Variants in FBXO31 observed in about 807,000 individuals in gnomAD.
The protein encoded by FBXO31 is F-box only protein 31.
FBXO31 carries 24 observed loss-of-function variants against 54.4 expected under a neutral mutation model. The ratio of observed to expected loss-of-function variants is 0.44; its 90% confidence interval spans 0.32 to 0.62. The LOEUF (loss-of-function observed/expected upper bound fraction) is 0.62. Among genes scored for constraint, FBXO31 ranks in the 20% least tolerant of loss-of-function variants. The pLI is 0.05. For synonymous variants in FBXO31, 388 were observed against 335.6 expected (o/e 1.16, Z -1.71); for missense variants, 665 against 787.1 (o/e 0.84, Z 1.86).
chr16:87,370,075 A>G (rs1906532472), intron 1 of FBXO31, among the ~76,000 whole-genome samples: 1 of 152,120 alleles, frequency 6.6e-6, no homozygotes, highest in South Asian at 2.1e-4. Flanking sequence ...TCCCTGCAGC[A>G]CAGGCCTGAA....
In FBXO31 at chr16:87,336,694, G is replaced by A. The variant is rs1425077386; in HGVS notation, c.733-430C>T. On this transcript the variant is annotated intron_variant, in intron 5 of 8. Transcript: ENST00000311635. The surrounding 1 kb of genome is among the most constrained non-coding windows in gnomAD (Gnocchi z 6.5). ...TCCTGGGAGCCTGAGTGTTCCAGAA[G>A]CCCTCACCACCAACCCTGAGCCGTG... 6.6e-6 allele frequency among the ~76,000 whole-genome samples: 1 copy of A among 152,256 alleles called. No homozygotes were observed. Among genetic ancestry groups the A allele is most frequent in the African/African-American group, 2.4e-5 (1 of 41,558 alleles).
At position 87,375,391 on chromosome 16, in the gene FBXO31, C is replaced by T. The variant is rs193082542; in HGVS notation, c.340+8014G>A. 2.7e-3 allele frequency among the ~76,000 whole-genome samples: 404 copies of T among 151,824 alleles called. 1 individual carries two copies. The highest frequency in any genetic ancestry group is 5.1e-3 in the Non-Finnish European group (345 of 67,964). ...TTTGTGATCCCAGCTACCTGGGAGGCTGAGGCAGAGAAATGCTTGAACCCG... is the reference window on the plus strand; with the variant it reads ...TTTGTGATCCCAGCTACCTGGGAGGTTGAGGCAGAGAAATGCTTGAACCCG... On this transcript the variant is annotated intron_variant, in intron 1 of 8. Coordinates refer to ENST00000311635, the MANE Select transcript of FBXO31 (RefSeq NM_024735.5).
At chr16:87,342,201 C>T (rs1018806424) in intron 5 of FBXO31, among the ~76,000 whole-genome samples, 2 of 152,124 alleles carry the variant, frequency 1.3e-5, no homozygotes, top group African/African-American at 4.8e-5. Flanking sequence ...GAGTAGCTGG[C>T]ATGCCACCAT....
chr16:87,343,891 C>G lies in FBXO31; in HGVS notation c.490-126G>C, dbSNP rs529786750. On this transcript the variant is annotated intron_variant, in intron 3 of 8. Coordinates refer to ENST00000311635, the MANE Select transcript of FBXO31 (RefSeq NM_024735.5). ...GCCAGACCAGCACATGGGACCTGCA[C>G]GCCCACCCTCGAGGTGCCTCGAATC... 205 of 970,928 alleles carry G rather than the reference C, an allele frequency of 2.1e-4. No homozygotes were observed. The South Asian group carries it at 3.1e-3, about 14-fold the overall frequency. The allele number at this position is 970,928 out of a possible 1,614,324, so 60.1% of individuals were successfully genotyped here.
rs1905324301 is a variant in FBXO31, at chr16:87,345,029, T to A, written c.490-1264A>T. ...GCCCATCCCTGCCCCGAACCCCACC[T>A]GAGGAACAAAGCCCAGAGCCACAGA... On this transcript the variant is annotated intron_variant, in intron 3 of 8. Transcript: ENST00000311635. The surrounding 1 kb of genome is among the most constrained non-coding windows in gnomAD (Gnocchi z 4.9). Among the ~76,000 whole-genome samples, 1 of 145,684 alleles carries A rather than the reference T, an allele frequency of 6.9e-6. No individual in the cohort carries two copies. Among genetic ancestry groups the A allele is most frequent in the Non-Finnish European group, 1.5e-5 (1 of 66,630 alleles).
chr16:87,386,718 G>A (rs542247541), upstream of FBXO31, among the ~76,000 whole-genome samples: 147 of 152,360 alleles, frequency 9.6e-4, 1 homozygote, highest in Non-Finnish European at 1.6e-3. Flanking sequence ...ACAGGCACGA[G>A]CCACTGCACC....
At chr16:87,341,958 T>C (rs1339275285) in intron 5 of FBXO31, among the ~76,000 whole-genome samples, 1 of 151,844 alleles carries the variant, frequency 6.6e-6, no homozygotes, top group Non-Finnish European at 1.5e-5. Context: ...ACACCTGCAA[T>C]CCCAGCACTT....
intron 1 of FBXO31, among the ~76,000 whole-genome samples, chr16:87,378,141 A>C (rs1906910830): frequency 6.6e-6 from 1 of 151,754 alleles, no homozygotes. Context: ...CCTGGGCAAC[A>C]AGAGCAAAAC....
intron 1 of FBXO31, among the ~76,000 whole-genome samples, chr16:87,378,123 C>T (rs1402208404): frequency 4.0e-5 from 6 of 150,158 alleles, no homozygotes; most frequent in Non-Finnish European, 8.9e-5. Context: ...AGCGCCATTG[C>T]ACTACAGCCT....
chr16:87,362,503 C>G (rs533987188), intron 1 of FBXO31: 1 of 151,692 alleles, frequency 6.6e-6, no homozygotes, highest in Non-Finnish European at 1.5e-5. Context: ...GAGTCTCGCT[C>G]TGTTGCCCAG....
At chr16:87,360,504 G>C in intron 1 of FBXO31, 138 bp from the exon 2 acceptor site, 1 of 684,484 alleles carries the variant, frequency 1.5e-6, no homozygotes, top group Non-Finnish European at 2.6e-6. Context: ...TCACTGTGGA[G>C]ATTTCACTGA....
chr16:87,345,503 G>A lies in FBXO31; in HGVS notation c.489+1671C>T, dbSNP rs989114338. On this transcript the variant is annotated intron_variant, in intron 3 of 8. Coordinates refer to ENST00000311635, the MANE Select transcript of FBXO31 (RefSeq NM_024735.5). The surrounding 1 kb of genome is among the most constrained non-coding windows in gnomAD (Gnocchi z 4.9). ...CAGACAACTTCACTGTGTTGAATGAGCAGCTACTTTTCAACATAAATTGGC... is the reference window on the plus strand; with the variant it reads ...CAGACAACTTCACTGTGTTGAATGAACAGCTACTTTTCAACATAAATTGGC... 3.3e-5 allele frequency among the ~76,000 whole-genome samples: 5 copies of A among 152,148 alleles called. No homozygotes were observed. Among genetic ancestry groups the A allele is most frequent in the African/African-American group, 9.7e-5 (4 of 41,424 alleles).
chr16:87,381,200 T>C (rs1907060238), intron 1 of FBXO31, among the ~76,000 whole-genome samples: 1 of 152,068 alleles, frequency 6.6e-6, no homozygotes, highest in Admixed American at 6.6e-5. Flanking sequence ...ATGACAAAAA[T>C]CTTGTATTAC....
chr16:87,349,381 C>G (rs55992571), intron 2 of FBXO31, among the ~76,000 whole-genome samples: 1 of 152,058 alleles, frequency 6.6e-6, no homozygotes, highest in Non-Finnish European at 1.5e-5. Context: ...TTGTGGAACA[C>G]GTTGGGGCAG....
At chr16:87,353,547 C>A (rs188013076) in intron 2 of FBXO31, among the ~76,000 whole-genome samples, 7 of 152,212 alleles carry the variant, frequency 4.6e-5, no homozygotes, top group Non-Finnish European at 1.0e-4. Flanking sequence ...GAGGGGGCCA[C>A]GTGGGGACAG....
chr16:87,374,193 G>T (rs971965115), intron 1 of FBXO31, among the ~76,000 whole-genome samples: 1 of 151,430 alleles, frequency 6.6e-6, no homozygotes, highest in African/African-American at 2.4e-5. Context: ...CGTGAGCCAT[G>T]ATCGCGCCAC....
chr16:87,377,278 C>G (rs949111028), intron 1 of FBXO31, among the ~76,000 whole-genome samples: 7 of 152,144 alleles, frequency 4.6e-5, no homozygotes, highest in African/African-American at 1.7e-4. Context: ...AAATCTGTCT[C>G]TATAAAAAGA....
At chr16:87,382,112 T>C (rs1048211607) in intron 1 of FBXO31, among the ~76,000 whole-genome samples, 3 of 151,172 alleles carry the variant, frequency 2.0e-5, no homozygotes, top group African/African-American at 7.3e-5. Context: ...TTCTATAAAA[T>C]GCACAAAGCA....
In FBXO31 at chr16:87,360,323, G is replaced by A. The variant is rs768894531; in HGVS notation, c.384C>T (p.Gly128=). 8 of 1,614,038 alleles carry A rather than the reference G, an allele frequency of 5.0e-6. No individual in the cohort carries two copies. The highest frequency in any genetic ancestry group is 1.3e-5 in the African/African-American group (1 of 74,944). ...CENLRKLEIT[G]VSCRDVYAKL... ...TCGCATAGACGTCCCGACAAGACAC[G>A]CCTGTGATCTCCAGCTTCCGCAAGT... Residue 128 remains glycine, a synonymous_variant, in exon 2 of 9, where the codon GGC becomes GGT. Transcript: ENST00000311635.
Sources: gnomAD v4.1 joint callset for allele counts (sites outside exome capture counted in the v4.1 genomes callset) on GRCh38, gnomAD v4.1.1 for gene constraint, Gnocchi (gnomAD v3.1) non-coding constraint, MANE v1.5 for transcripts, NCBI Gene and HGNC (gene_info 2026-07-23, HGNC 2026-07-21) for gene names.